PPM1L: variants seen among roughly 807,000 people sequenced by gnomAD.
PPM1L encodes the protein protein phosphatase, Mg2+/Mn2+ dependent 1L.
A neutral mutation model predicts 31.4 loss-of-function variants in PPM1L; 13 were observed. The ratio of observed to expected loss-of-function variants is 0.41; its 90% CI spans 0.27 to 0.66. The LOEUF is 0.66. PPM1L is among the 30% of genes least tolerant of loss of function. The probability of loss-of-function intolerance (pLI) is 0.29; values close to 1 mark genes in which losing one functional copy is unlikely to be tolerated. For synonymous variants in PPM1L, 184 were observed against 175.4 expected, an observed-to-expected ratio of 1.05 and a Z score of -0.39; for missense variants, 326 against 453.7, an observed-to-expected ratio of 0.72 and a Z score of 2.56.
intron 1 of PPM1L, among the ~76,000 whole-genome samples, chr3:160,791,596 C>G (rs1712106528): frequency 6.6e-6 from 1 of 152,120 alleles, no homozygotes; most frequent in Admixed American, 6.6e-5. Flanking sequence ...GAACAGTGAT[C>G]AAGGCAGGCA....
chr3:160,982,415 GTCTC>G (rs1716830106), intron 2 of PPM1L, among the ~76,000 whole-genome samples: 1 of 151,998 alleles, frequency 6.6e-6, no homozygotes, highest in Non-Finnish European at 1.5e-5. Context: ...AAAAAAAAAT[GTCTC>G]TCTCCTTTAT....
intron 1 of PPM1L, among the ~76,000 whole-genome samples, chr3:160,820,556 T>G (rs1022556933): frequency 6.6e-6 from 1 of 152,086 alleles, no homozygotes; most frequent in Non-Finnish European, 1.5e-5. Flanking sequence ...ACTTTCTTAC[T>G]TAACAACTTT....
intron 1 of PPM1L, among the ~76,000 whole-genome samples, chr3:160,912,698 A>T (rs564386693): frequency 6.6e-6 from 1 of 152,340 alleles, no homozygotes; most frequent in South Asian, 2.1e-4. Context: ...TGAAGAAGCG[A>T]TAATTATAGC....
At chr3:160,862,123 C>CTGA (rs981669339) in intron 1 of PPM1L, among the ~76,000 whole-genome samples, 2 of 152,128 alleles carry the variant, frequency 1.3e-5, no homozygotes, top group Non-Finnish European at 2.9e-5. Flanking sequence ...GCCTACCACA[C>CTGA]TGATGATGAT....
chr3:160,910,248 T>C, intron 1 of PPM1L, among the ~76,000 whole-genome samples: 2 of 35,676 alleles, frequency 5.6e-5, no homozygotes, highest in African/African-American at 9.3e-5. Context: ...CCCTTTCCTT[T>C]CCCCTTCCCC....
rs57033643 is a variant in PPM1L at position 160,871,892 on chromosome 3, A to G, written c.400-89844A>G. Among the ~76,000 whole-genome samples the G allele has an allele frequency of 4.3e-3, 657 of 152,072 alleles. 3 individuals carry two copies. Among genetic ancestry groups the G allele is most frequent in the African/African-American group, 0.015 (618 of 41,488 alleles). Reference sequence around the variant, plus strand: ...GTAATTCAAGTAGCATAATTATAACATTTTTATTGAGCAGAAAATGACCAC... The same window carrying G: ...GTAATTCAAGTAGCATAATTATAACGTTTTTATTGAGCAGAAAATGACCAC... On this transcript the variant is annotated intron_variant, in intron 1 of 3. Coordinates refer to ENST00000498165, the MANE Select transcript of PPM1L (RefSeq NM_139245.4).
chr3:161,003,619 C>G (rs1717586280), intron 2 of PPM1L, among the ~76,000 whole-genome samples: 1 of 152,058 alleles, frequency 6.6e-6, no homozygotes, highest in Non-Finnish European at 1.5e-5. Flanking sequence ...TGGGAGTTCA[C>G]TCATGATTTG....
At chr3:160,867,042 C>T (rs1712115885) in intron 1 of PPM1L, among the ~76,000 whole-genome samples, 2 of 152,086 alleles carry the variant, frequency 1.3e-5, no homozygotes, top group African/African-American at 4.8e-5. Context: ...GTCTCACTAT[C>T]TTGCCCAGTC....
intron 1 of PPM1L, among the ~76,000 whole-genome samples, chr3:160,872,517 C>T (rs1159412910): frequency 6.6e-6 from 1 of 152,134 alleles, no homozygotes; most frequent in Non-Finnish European, 1.5e-5. Flanking sequence ...ATTTTGTGCT[C>T]ACTTATATAA....
At chr3:160,919,921 C>T (rs948886297) in intron 1 of PPM1L, among the ~76,000 whole-genome samples, 2 of 152,072 alleles carry the variant, frequency 1.3e-5, no homozygotes, top group African/African-American at 4.8e-5. Flanking sequence ...TATCTGATGT[C>T]GCCCATTGTT....
chr3:161,007,202 C>A, intron 2 of PPM1L, among the ~76,000 whole-genome samples: 1 of 152,170 alleles, frequency 6.6e-6, no homozygotes, highest in East Asian at 1.9e-4. Flanking sequence ...TATAGTCTGT[C>A]TGATGGTGTC....
rs147338211 is a variant in PPM1L, at chr3:160,985,187, A to G, written c.574+23277A>G. ...TTTATTTTATTAATTTTTAATTTCAATAGGATTTTGGGGAACAGATGGTGT... is the reference window on the plus strand; with the variant it reads ...TTTATTTTATTAATTTTTAATTTCAGTAGGATTTTGGGGAACAGATGGTGT... On this transcript the variant is annotated intron_variant, in intron 2 of 3. Transcript: ENST00000498165. Among the ~76,000 whole-genome samples the G allele has an allele frequency of 4.3e-3, 650 of 152,232 alleles. 5 individuals carry two copies. Among genetic ancestry groups the G allele is most frequent in the African/African-American group, 0.014 (597 of 41,530 alleles).
intron 1 of PPM1L, among the ~76,000 whole-genome samples, chr3:160,916,169 G>C (rs547769624): frequency 1.3e-5 from 2 of 151,972 alleles, no homozygotes; most frequent in African/African-American, 4.8e-5. Context: ...ATCTGACAAA[G>C]GGCTAATATC....
Position 161,070,803 on chromosome 3 carries a change from G to A in PPM1L, c.*1646G>A, listed in dbSNP as rs1719888416. 2 of 152,164 alleles carry A rather than the reference G, an allele frequency of 1.3e-5. No homozygotes were observed. Among genetic ancestry groups the A allele is most frequent in the Admixed American group, 1.3e-4 (2 of 15,284 alleles). The allele number at this position is 152,164 out of a possible 1,614,324, so 9.4% of individuals were successfully genotyped here. Reference sequence around the variant, plus strand: ...GCTGCTGTAGAGTTTTCCCAAAGCAGTGTCCAGGAGAGAATTTGAGAGAGT... The same window carrying A: ...GCTGCTGTAGAGTTTTCCCAAAGCAATGTCCAGGAGAGAATTTGAGAGAGT... On this transcript the variant is annotated 3_prime_UTR_variant, in exon 4 of 4. Coordinates refer to ENST00000498165, the MANE Select transcript of PPM1L (RefSeq NM_139245.4).
chr3:160,947,839 C>G (rs919456552), intron 1 of PPM1L, among the ~76,000 whole-genome samples: 1 of 152,126 alleles, frequency 6.6e-6, no homozygotes, highest in Non-Finnish European at 1.5e-5. Context: ...TAAAGACGGA[C>G]AGCTCTTTAG....
At chr3:160,850,384 C>A (rs1190544077) in intron 1 of PPM1L, among the ~76,000 whole-genome samples, 12 of 152,130 alleles carry the variant, frequency 7.9e-5, no homozygotes, top group Non-Finnish European at 1.3e-4. Flanking sequence ...TTCCTAGCAC[C>A]TCCATGTGTT....
At chr3:160,776,124 G>A (rs1576632078) in intron 1 of PPM1L, among the ~76,000 whole-genome samples, 1 of 152,150 alleles carries the variant, frequency 6.6e-6, no homozygotes, top group African/African-American at 2.4e-5. Flanking sequence ...TAACTATTAA[G>A]TTGAAGGAAT....
chr3:160,914,846 A>T (rs1485958907), intron 1 of PPM1L, among the ~76,000 whole-genome samples: 32 of 152,086 alleles, frequency 2.1e-4, no homozygotes, highest in Admixed American at 1.3e-3. Flanking sequence ...CTAGTTCTAG[A>T]TCCCTGAGGA....
At chr3:160,991,576 T>A (rs1332497781) in intron 2 of PPM1L, among the ~76,000 whole-genome samples, 1 of 152,196 alleles carries the variant, frequency 6.6e-6, no homozygotes, top group Non-Finnish European at 1.5e-5. Context: ...GAAATTTTTT[T>A]AAATGTTCTT....
Sources: gnomAD v4.1 joint callset for allele counts (sites outside exome capture counted in the v4.1 genomes callset) on GRCh38, gnomAD v4.1.1 for gene constraint, MANE v1.5 for transcripts, NCBI Gene and HGNC (gene_info 2026-07-23, HGNC 2026-07-21) for gene names.